SYNE2: variants seen among roughly 807,000 people sequenced by gnomAD.
SYNE2 encodes spectrin repeat containing nuclear envelope protein 2, also known as nesprin-2.
A neutral mutation model predicts 856.3 loss-of-function variants in SYNE2; 431 were observed. The ratio of observed to expected loss-of-function variants is 0.50; its 90% CI spans 0.47 to 0.55. The LOEUF (loss-of-function observed/expected upper bound fraction) is 0.55, where lower values mean the gene tolerates loss of function less well. Ranked by LOEUF, SYNE2 falls within the 20% of genes least tolerant of loss-of-function variation. SYNE2 has a pLI of 0.00. For missense variants in SYNE2, 8,129 were observed against 8,023.2 expected (o/e 1.01, Z -0.50); for synonymous variants, 2,923 against 2,872.3 (o/e 1.02, Z -0.56).
intron 2 of SYNE2, among the ~76,000 whole-genome samples, chr14:63,919,522 C>G (rs532718776): frequency 6.6e-6 from 1 of 152,128 alleles, no homozygotes; most frequent in African/African-American, 2.4e-5. Flanking sequence ...GGTGGCCTGA[C>G]CTGGTGGTGG....
Position 63,998,225 on chromosome 14 carries a change from G to A in SYNE2, c.3250G>A (p.Glu1084Lys), listed in dbSNP as rs1215760045. ...ATTTTGCATATTCCCTTAGGCAATG[G>A]AACCCACTATGAAGTTTAGCCTGGC... Reference protein sequence around the residue: ...DNQPSTEKAMEPTMKFSLASV... With the variant: ...DNQPSTEKAMKPTMKFSLASV... The change falls in exon 26 of 116, where the codon GAA (glutamate) becomes AAA (lysine). Residue 1084 changes from glutamate to lysine, a missense_variant. Transcript: ENST00000555002. 6 of 1,612,352 alleles carry A rather than the reference G, an allele frequency of 3.7e-6. No individual in the cohort carries two copies. The highest frequency in any genetic ancestry group is 1.7e-5 in the Admixed American group (1 of 60,002).
chr14:64,171,447 G>A (rs1206744652), intron 94 of SYNE2, among the ~76,000 whole-genome samples: 1 of 152,152 alleles, frequency 6.6e-6, no homozygotes, highest in Non-Finnish European at 1.5e-5. Context: ...TAAAATATCA[G>A]ATTGTAATAA....
In SYNE2 at chr14:64,025,201, T is replaced by C. The variant is rs1287664833; in HGVS notation, c.6032T>C (p.Ile2011Thr). Residue 2011 changes from isoleucine to threonine, a missense_variant, in exon 41 of 116, where the codon ATA becomes ACA. By Grantham distance (89) the Ile-to-Thr change is moderately conservative. Coordinates refer to ENST00000555002, the MANE Select transcript of SYNE2 (RefSeq NM_182914.3). Reference sequence around the variant, plus strand: ...TATGGGTTTACTGAAGAAGAAGAAATAATAATGGAAGCAACATGTTTGATG... The same window carrying C: ...TATGGGTTTACTGAAGAAGAAGAAACAATAATGGAAGCAACATGTTTGATG... The part of the protein sequence containing the change: ...KEYGFTEEEE[I>T]IMEATCLMDR... 6.2e-7 allele frequency: 1 copy of C among 1,613,890 alleles called. No homozygotes were observed. Among genetic ancestry groups the C allele is most frequent in the African/African-American group, 1.3e-5 (1 of 74,876 alleles).
At chr14:63,966,279 G>A (rs1485112585) in intron 10 of SYNE2, among the ~76,000 whole-genome samples, 1 of 151,908 alleles carries the variant, frequency 6.6e-6, no homozygotes, top group African/African-American at 2.4e-5. Context: ...ACTTTGGGAG[G>A]TGAGGCACGT....
chr14:64,044,080 G>C (rs765049482), intron 45 of SYNE2, among the ~76,000 whole-genome samples: 1 of 152,178 alleles, frequency 6.6e-6, no homozygotes, highest in Non-Finnish European at 1.5e-5. Context: ...TGCACTATTT[G>C]CCTGGAAAAG....
At chr14:64,030,188 CTGACCAGTCATAATAAATGAGAA>C in intron 44 of SYNE2, 129 bp downstream of exon 44, 1 of 898,210 alleles carries the variant, frequency 1.1e-6, no homozygotes, top group African/African-American at 1.6e-5. Flanking sequence ...AATTAAAGCT[CTGACCAGTCATAATAAATGAGAA>C]TGTCCTTCTT....
intron 11 of SYNE2, among the ~76,000 whole-genome samples, chr14:63,974,353 G>A (rs2096510855): frequency 6.6e-6 from 1 of 152,106 alleles, no homozygotes; most frequent in Non-Finnish European, 1.5e-5. Flanking sequence ...GCAAAGGGGA[G>A]CTTTTGTATA....
chr14:64,156,145 AC>A (rs991676730), intron 85 of SYNE2, among the ~76,000 whole-genome samples: 14 of 152,162 alleles, frequency 9.2e-5, no homozygotes, highest in Non-Finnish European at 1.9e-4. Context: ...AGTGAATTTT[AC>A]TTGATGATTT....
chr14:63,849,142 A>G (rs1392658130), upstream of SYNE2, among the ~76,000 whole-genome samples: 2 of 152,202 alleles, frequency 1.3e-5, no homozygotes, highest in Admixed American at 1.3e-4. Flanking sequence ...TTTCTTGGCT[A>G]GCTATTTTCA....
chr14:63,822,087 A>G (rs1043792795), intron 1 of SYNE2, among the ~76,000 whole-genome samples: 1 of 152,084 alleles, frequency 6.6e-6, no homozygotes, highest in Non-Finnish European at 1.5e-5. Flanking sequence ...GCTATTTAGG[A>G]GGCCGAGGCA....
intron 18 of SYNE2, 74 bp from the exon 19 acceptor site, chr14:63,986,382 A>C (rs1306765739): frequency 6.5e-7 from 1 of 1,533,416 alleles, no homozygotes; most frequent in Non-Finnish European, 8.9e-7. Flanking sequence ...TTACAGGTGT[A>C]ACTTTTTGAA....
intron 114 of SYNE2, 29 bp downstream of exon 114, chr14:64,224,576 C>G (rs376930821): frequency 2.5e-6 from 4 of 1,612,238 alleles, no homozygotes; most frequent in Non-Finnish European, 3.4e-6. Flanking sequence ...CTGTGAGAAC[C>G]TCACTGGTTA....
At chr14:64,188,900 G>T (rs531688303) in intron 98 of SYNE2, 192 bp downstream of exon 98, 16 of 718,564 alleles carry the variant, frequency 2.2e-5, no homozygotes, top group Non-Finnish European at 4.0e-5. Context: ...AGATGGGAGT[G>T]TGAGACCATT....
chr14:64,208,561 G>A, intron 100 of SYNE2, among the ~76,000 whole-genome samples, 197 bp from the exon 101 acceptor site: 1 of 152,192 alleles, frequency 6.6e-6, no homozygotes, highest in East Asian at 1.9e-4. Flanking sequence ...TTTAAACTTT[G>A]TGTCAGGTGC....
chr14:64,068,861 C>CAAAAAAAAAAAAA (rs10546690), intron 51 of SYNE2, among the ~76,000 whole-genome samples: 1 of 76,644 alleles, frequency 1.3e-5, no homozygotes, highest in Non-Finnish European at 2.7e-5. Context: ...GACTCCGTCT[C>CAAAAAAAAAAAAA]AAAAAAAAAA....
At position 64,087,828 on chromosome 14, in the gene SYNE2, G is replaced by A; in HGVS notation, c.11642G>A (p.Ser3881Asn). ...GCTTTACAACAAAAAATAATGGAAAGCCTTCCACAGATTCAGCGAATGGCT... is the reference window on the plus strand; with the variant it reads ...GCTTTACAACAAAAAATAATGGAAAACCTTCCACAGATTCAGCGAATGGCT... ...VTALQQKIME[S>N]LPQIQRMADD... The change falls in exon 58 of 116, where the codon AGC (serine) becomes AAC (asparagine). Residue 3881 changes from serine to asparagine, a missense_variant. By Grantham distance (46) the Ser-to-Asn change is conservative. This residue lies in a region of SYNE2 where 5,410 missense variants were observed against 5,284.8 expected (regional missense o/e 1.02). Coordinates refer to ENST00000555002, the MANE Select transcript of SYNE2 (RefSeq NM_182914.3). 6.2e-7 allele frequency: 1 copy of A among 1,614,074 alleles called. No homozygotes were observed. Among genetic ancestry groups the A allele is most frequent in the Non-Finnish European group, 8.5e-7 (1 of 1,179,972 alleles).
At chr14:64,109,935 A>T (rs1298530816) in intron 65 of SYNE2, among the ~76,000 whole-genome samples, 5 of 152,246 alleles carry the variant, frequency 3.3e-5, no homozygotes, top group Non-Finnish European at 7.3e-5. Flanking sequence ...ATTCTGAGTC[A>T]TTCTTGACCC....
Position 64,168,943 on chromosome 14 carries a change from C to G in SYNE2, c.16972C>G (p.Leu5658Val). Reference sequence around the variant, plus strand: ...TTCCTATGTCACCCAGTCCTTACAACTCCTGGACACAACAGAAATAGAGAA... The same window carrying G: ...TTCCTATGTCACCCAGTCCTTACAAGTCCTGGACACAACAGAAATAGAGAA... ...ADSYVTQSLQ[L>V]LDTTEIENRP... The change falls in exon 93 of 116, where the codon CTC becomes GTC. Residue 5658 changes from leucine (L) to valine (V), a missense_variant. Coordinates refer to ENST00000555002, the MANE Select transcript of SYNE2 (RefSeq NM_182914.3). 1 of 1,614,036 alleles carries G rather than the reference C, an allele frequency of 6.2e-7. No individual in the cohort carries two copies. The highest frequency in any genetic ancestry group is 8.5e-7 in the Non-Finnish European group (1 of 1,179,928).
rs2098031911 is a variant in SYNE2, at chr14:64,132,441, A to G, written c.14514+3A>G. 6.2e-7 allele frequency: 1 copy of G among 1,614,028 alleles called. No individual in the cohort carries two copies. Among genetic ancestry groups the G allele is most frequent in the Admixed American group, 1.7e-5 (1 of 60,010 alleles). ...TGAAGCTGCAGAGTTTGTTGCAGGTATTTGGGTTATGTAAACGTTGTACTG... is the reference window on the plus strand; with the variant it reads ...TGAAGCTGCAGAGTTTGTTGCAGGTGTTTGGGTTATGTAAACGTTGTACTG... On this transcript the variant is annotated splice_donor_region_variant and intron_variant, in intron 77 of 115. Coordinates refer to ENST00000555002, the MANE Select transcript of SYNE2 (RefSeq NM_182914.3).
Sources: allele counts gnomAD v4.1 joint callset (sites outside exome capture counted in the v4.1 genomes callset), GRCh38; gene constraint gnomAD v4.1.1; regional missense constraint gnomAD v4.1.1; transcripts MANE v1.5; gene names NCBI Gene and HGNC (gene_info 2026-07-23, HGNC 2026-07-21).